The following ARID1B variants were observed in gnomAD, a reference collection of about 807,000 sequenced individuals.
The protein encoded by ARID1B is AT-rich interaction domain 1B.
In ARID1B, 30 loss-of-function variants were observed where a neutral mutation model predicts 212.3. The observed-to-expected ratio is 0.14, with a 90% CI of 0.11 to 0.19. The LOEUF is 0.19. Among genes scored for constraint, ARID1B ranks in the 10% least tolerant of loss-of-function variants. ARID1B has a pLI of 1.00. For missense variants in ARID1B, 2,891 were observed against 3,204.0 expected (o/e 0.90, Z 2.36); for synonymous variants, 1,402 against 1,301.7 (o/e 1.08, Z -1.66).
At chr6:156,793,405 G>C (rs77906375) in intron 1 of ARID1B, among the ~76,000 whole-genome samples, 3 of 152,080 alleles carry the variant, frequency 2.0e-5, no homozygotes, top group Non-Finnish European at 4.4e-5. Flanking sequence ...AGTGGGCAGC[G>C]GTGAGGTCAT....
chr6:156,789,556 G>C (rs1779877218), intron 1 of ARID1B, among the ~76,000 whole-genome samples: 1 of 152,160 alleles, frequency 6.6e-6, no homozygotes, highest in East Asian at 1.9e-4. Context: ...AAGAAGTTTT[G>C]ATGTTAGAGG....
In ARID1B at chr6:156,777,477, C is replaced by CT. The variant is rs1778692713; in HGVS notation, c.-201dup. On this transcript the variant is annotated 5_prime_UTR_variant, in exon 1 of 20. It removes the in-frame stop codon of an upstream open reading frame in the 5' UTR. Transcript: ENST00000636930. ...GTTTCATTTAAACCTGAACTAAAAA[C>CT]TTTCACCATGAAAGCACACAGCAGG... 1.3e-5 allele frequency: 2 copies of CT among 150,802 alleles called. No homozygotes were observed. The highest frequency in any genetic ancestry group is 2.4e-5 in the African/African-American group (1 of 41,326). 9.3% of individuals were successfully genotyped at this position (150,802 alleles called of 1,614,324 possible).
chr6:157,165,233 G>A (rs188928378), intron 8 of ARID1B, among the ~76,000 whole-genome samples: 16 of 149,480 alleles, frequency 1.1e-4, no homozygotes, highest in African/African-American at 4.1e-4. Context: ...TGAACTCCAA[G>A]GGGTATTCTA....
At chr6:156,974,563 C>T (rs1368511210) in intron 4 of ARID1B, among the ~76,000 whole-genome samples, 1 of 151,490 alleles carries the variant, frequency 6.6e-6, no homozygotes, top group East Asian at 1.9e-4. Context: ...TCTCTGACAT[C>T]TTCTTCACAC....
chr6:156,886,675 C>T (rs952166103), intron 2 of ARID1B, among the ~76,000 whole-genome samples: 8 of 152,158 alleles, frequency 5.3e-5, no homozygotes, highest in African/African-American at 9.7e-5. Flanking sequence ...AGCCCTTGAC[C>T]GTAACAAGGA....
intron 4 of ARID1B, among the ~76,000 whole-genome samples, chr6:157,065,711 G>T (rs965748429): frequency 2.0e-5 from 3 of 152,236 alleles, no homozygotes; most frequent in Non-Finnish European, 4.4e-5. Context: ...TACCAAAGAA[G>T]AATTTAGCGT....
chr6:156,809,656 T>G (rs1225862856), intron 1 of ARID1B, among the ~76,000 whole-genome samples: 1 of 145,620 alleles, frequency 6.9e-6, no homozygotes, highest in East Asian at 2.0e-4. Context: ...TGGGCAGACC[T>G]GAGGCTCCTG....
intron 2 of ARID1B, among the ~76,000 whole-genome samples, chr6:156,858,003 A>G (rs1345535408): frequency 6.6e-6 from 1 of 152,266 alleles, no homozygotes; most frequent in African/African-American, 2.4e-5. Context: ...TGAATGGATA[A>G]AGAAAATGTG....
At chr6:156,929,402 G>T (rs182925172) in intron 3 of ARID1B, among the ~76,000 whole-genome samples, 1 of 152,308 alleles carries the variant, frequency 6.6e-6, no homozygotes, top group Admixed American at 6.5e-5. Context: ...ACGAACTGTG[G>T]CAGGCTGTGT....
chr6:156,778,408 G>A lies in ARID1B; in HGVS notation c.728G>A (p.Gly243Glu), dbSNP rs1340926951. The A allele has an allele frequency of 6.5e-7, 1 of 1,533,898 alleles. No individual in the cohort carries two copies. The highest frequency in any genetic ancestry group is 1.2e-5 in the South Asian group (1 of 83,752). Residue 243 changes from glycine (G) to glutamate (E), a missense_variant, in exon 1 of 20, where the codon GGA (glycine) becomes GAA (glutamate). Gly to Glu is a moderately conservative substitution (Grantham distance 98, BLOSUM62 -2). Coordinates refer to ENST00000636930, the MANE Select transcript of ARID1B (RefSeq NM_001374828.1). ...PGPDMEQPQHGGAKDSAAGGQ... is the reference protein window; with the variant it reads ...PGPDMEQPQHEGAKDSAAGGQ... The stretch of plus-strand genomic sequence containing the variant: ...CCCGACATGGAGCAGCCGCAACATG[G>A]AGGCGCCAAGGACAGTGCTGCGGGC...
intron 3 of ARID1B, among the ~76,000 whole-genome samples, chr6:156,926,228 G>T (rs1582961976): frequency 6.6e-6 from 1 of 152,190 alleles, no homozygotes; most frequent in South Asian, 2.1e-4. Context: ...AAGAAGAGCA[G>T]GTTTTACTTT....
intron 2 of ARID1B, among the ~76,000 whole-genome samples, chr6:156,869,683 G>A (rs933303627): frequency 6.6e-5 from 10 of 152,046 alleles, no homozygotes; most frequent in African/African-American, 2.2e-4. Context: ...GAATTAATAC[G>A]GATGTCAGAA....
At chr6:156,954,221 A>G (rs1264152408) in intron 4 of ARID1B, among the ~76,000 whole-genome samples, 1 of 150,880 alleles carries the variant, frequency 6.6e-6, no homozygotes, top group East Asian at 1.9e-4. Flanking sequence ...TTTTTAATGT[A>G]TGAGTGATAA....
In ARID1B at chr6:156,832,624, C is replaced by T. The variant is rs143533153; in HGVS notation, c.1986+3203C>T. 7.4e-3 allele frequency among the ~76,000 whole-genome samples: 1,122 copies of T among 152,268 alleles called. 15 individuals carry two copies. The highest frequency in any genetic ancestry group is 0.025 in the African/African-American group (1,044 of 41,546). ...CAGCTGAGTGGTAAGTTGTCTTTGG[C>T]TCAGGGGTCACAGTTTGATTCCTGG... On this transcript the variant is annotated intron_variant, in intron 2 of 19. Coordinates refer to ENST00000636930, the MANE Select transcript of ARID1B (RefSeq NM_001374828.1).
chr6:157,040,327 A>C (rs572484436), intron 4 of ARID1B, among the ~76,000 whole-genome samples: 22 of 152,326 alleles, frequency 1.4e-4, no homozygotes, highest in Admixed American at 1.4e-3. Context: ...TTTTGTAAGC[A>C]CTGGGAAAGG....
chr6:157,006,097 C>T (rs17342738), intron 4 of ARID1B, among the ~76,000 whole-genome samples: 22,925 of 152,118 alleles, frequency 0.15, 2,216 homozygotes, highest in Non-Finnish European at 0.22. Flanking sequence ...CTTGGTATTC[C>T]GTGGAAGTTC....
chr6:156,884,704 A>G (rs1381726912), intron 2 of ARID1B, among the ~76,000 whole-genome samples: 3 of 152,236 alleles, frequency 2.0e-5, no homozygotes, highest in Admixed American at 6.5e-5. Flanking sequence ...AGTGAAGAGC[A>G]ATGGAAAAAG....
At chr6:156,834,789 G>A (rs1432148346) in intron 2 of ARID1B, among the ~76,000 whole-genome samples, 1 of 152,102 alleles carries the variant, frequency 6.6e-6, no homozygotes, top group Non-Finnish European at 1.5e-5. Flanking sequence ...ATTTTGTCAT[G>A]GTTTCCTCAG....
intron 4 of ARID1B, chr6:156,937,638 G>T (rs1197966202): frequency 1.3e-5 from 2 of 152,220 alleles, no homozygotes; most frequent in African/African-American, 4.8e-5. Context: ...TGTAGTTTCA[G>T]ATAACTGACT....
Sources: gnomAD v4.1 joint callset for allele counts (sites outside exome capture counted in the v4.1 genomes callset) on GRCh38, gnomAD v4.1.1 for gene constraint, MANE v1.5 for transcripts, NCBI Gene and HGNC (gene_info 2026-07-23, HGNC 2026-07-21) for gene names.